GPR39: variants seen among roughly 807,000 people sequenced by gnomAD.
GPR39 encodes zinc sensing receptor.
In GPR39, 23 loss-of-function variants were observed where a neutral mutation model predicts 18.4. The ratio of observed to expected loss-of-function variants is 1.25; its 90% CI spans 0.90 to 1.77. GPR39 has a LOEUF of 1.77. Among genes scored for constraint, GPR39 ranks in the 40% most tolerant of loss-of-function variants. GPR39 has a pLI of 0.00. For synonymous variants in GPR39, 280 were observed against 257.9 expected (o/e 1.09, Z -0.82); for missense variants, 647 against 602.4 (o/e 1.07, Z -0.78).
chr2:132,522,529 G>A (rs777049300), intron 1 of GPR39, among the ~76,000 whole-genome samples: 7 of 152,150 alleles, frequency 4.6e-5, no homozygotes, highest in African/African-American at 7.2e-5. Flanking sequence ...TACAATTACC[G>A]TTTATGAAGC....
rs562878742 is a variant in GPR39 at position 132,425,202 on chromosome 2, C to A, written c.856+7304C>A. On this transcript the variant is annotated intron_variant, in intron 1 of 1. Coordinates refer to ENST00000329321, the MANE Select transcript of GPR39 (RefSeq NM_001508.3). ...GTGCCTCCCACTTCTTCCATGAAGC[C>A]TTCCTGGACTACGACAGCCTATACT... Among the ~76,000 whole-genome samples the A allele has an allele frequency of 2.3e-3, 357 of 152,300 alleles. 1 individual carries two copies. Among genetic ancestry groups the A allele is most frequent in the Non-Finnish European group, 4.0e-3 (273 of 68,024 alleles).
chr2:132,583,642 A>G (rs914689946), intron 1 of GPR39, among the ~76,000 whole-genome samples: 1 of 151,720 alleles, frequency 6.6e-6, no homozygotes, highest in Non-Finnish European at 1.5e-5. Flanking sequence ...TGTGAACTAT[A>G]TGGGTTGAGA....
At chr2:132,603,008 G>A (rs542040019) in intron 1 of GPR39, among the ~76,000 whole-genome samples, 45 of 152,070 alleles carry the variant, frequency 3.0e-4, no homozygotes, top group South Asian at 2.5e-3. Flanking sequence ...TAGAACTACC[G>A]TATGACCCAG....
chr2:132,640,898 G>C (rs1681845442), intron 1 of GPR39, among the ~76,000 whole-genome samples: 1 of 152,098 alleles, frequency 6.6e-6, no homozygotes, highest in African/African-American at 2.4e-5. Context: ...ATTATAAAAT[G>C]ACAAATTTTA....
At chr2:132,464,825 C>G (rs1391105805) in intron 1 of GPR39, among the ~76,000 whole-genome samples, 2 of 152,188 alleles carry the variant, frequency 1.3e-5, no homozygotes, top group East Asian at 3.9e-4. Context: ...TGTAGAGGTG[C>G]TCTTGGAGAC....
chr2:132,536,084 T>A (rs2104780864), intron 1 of GPR39, among the ~76,000 whole-genome samples: 1 of 152,126 alleles, frequency 6.6e-6, no homozygotes, highest in South Asian at 2.1e-4. Context: ...AGTTCTGGTC[T>A]GATCTTAGTT....
chr2:132,479,646 A>T (rs955848058), intron 1 of GPR39, among the ~76,000 whole-genome samples: 1 of 152,206 alleles, frequency 6.6e-6, no homozygotes, highest in Non-Finnish European at 1.5e-5. Flanking sequence ...CCAAACCACA[A>T]TGTGATACCA....
At chr2:132,521,214 C>T (rs945202166) in intron 1 of GPR39, among the ~76,000 whole-genome samples, 14 of 152,310 alleles carry the variant, frequency 9.2e-5, no homozygotes, top group South Asian at 2.1e-4. Flanking sequence ...GCTTGTGCCT[C>T]GGTCACGTGG....
At chr2:132,462,345 A>C (rs916702478) in intron 1 of GPR39, among the ~76,000 whole-genome samples, 2 of 151,092 alleles carry the variant, frequency 1.3e-5, no homozygotes, top group African/African-American at 4.9e-5. Flanking sequence ...TTGTTTGAAT[A>C]ATTTTGCAGG....
intron 1 of GPR39, among the ~76,000 whole-genome samples, chr2:132,591,233 G>A (rs1390148759): frequency 2.3e-5 from 3 of 132,826 alleles, no homozygotes; most frequent in African/African-American, 8.7e-5. Flanking sequence ...AGTCCGGCCT[G>A]GGCGACAGAG....
chr2:132,553,129 T>A (rs1196282106), intron 1 of GPR39, among the ~76,000 whole-genome samples: 4 of 151,344 alleles, frequency 2.6e-5, no homozygotes, highest in African/African-American at 9.7e-5. Context: ...TTTTGCCATG[T>A]TGGCTAGGCT....
rs1281367027 is a variant in GPR39, at chr2:132,439,271, A to AT, written c.856+21377dup. On this transcript the variant is annotated intron_variant, in intron 1 of 1. Coordinates refer to ENST00000329321, the MANE Select transcript of GPR39 (RefSeq NM_001508.3). ...AGGTGAGCAACTAATTCTTTATTTT[A>AT]TTTTATTTTTTTGTGGTAACAGTGT... is the stretch of plus-strand genomic sequence containing the variant. 1.5e-3 allele frequency among the ~76,000 whole-genome samples: 233 copies of AT among 152,314 alleles called. 4 individuals are homozygous for AT. The highest frequency in any genetic ancestry group is 5.2e-3 in the African/African-American group (217 of 41,576).
chr2:132,502,995 T>G (rs1049940324), intron 1 of GPR39, among the ~76,000 whole-genome samples: 3 of 152,200 alleles, frequency 2.0e-5, no homozygotes, highest in Admixed American at 6.5e-5. Context: ...TTTGATTTAT[T>G]TAAGTTGTAC....
At chr2:132,639,844 T>C (rs539214435) in intron 1 of GPR39, among the ~76,000 whole-genome samples, 21 of 152,302 alleles carry the variant, frequency 1.4e-4, no homozygotes, top group African/African-American at 4.1e-4. Flanking sequence ...AGGTGTTGTA[T>C]AGACATGCCA....
At position 132,584,890 on chromosome 2, in the gene GPR39, TGAGA is replaced by T. The variant is rs1203558654; in HGVS notation, c.857-60205_857-60202del. On this transcript the variant is annotated intron_variant, in intron 1 of 1. Coordinates refer to ENST00000329321, the MANE Select transcript of GPR39 (RefSeq NM_001508.3). ...AATCTTGTTTATGGACTTTTAACAG[TGAGA>T]GAGAGCATTTCTGGAGACACTGATT... Among the ~76,000 whole-genome samples the T allele has an allele frequency of 2.6e-5, 4 of 152,220 alleles. No homozygotes were observed. The East Asian group carries it at 7.7e-4, about 29-fold the overall frequency.
intron 1 of GPR39, among the ~76,000 whole-genome samples, chr2:132,516,063 CT>C (rs1490237757): frequency 6.6e-6 from 1 of 152,136 alleles, no homozygotes. Context: ...AAAGATCTTA[CT>C]TTTTCTCCTC....
At chr2:132,563,579 C>G (rs975141500) in intron 1 of GPR39, among the ~76,000 whole-genome samples, 1 of 152,130 alleles carries the variant, frequency 6.6e-6, no homozygotes, top group Non-Finnish European at 1.5e-5. Flanking sequence ...TTGAGAATCA[C>G]TGGATTATGG....
intron 1 of GPR39, among the ~76,000 whole-genome samples, chr2:132,421,996 AAAG>A (rs1227912405): frequency 1.3e-5 from 2 of 152,228 alleles, no homozygotes; most frequent in East Asian, 3.9e-4. Context: ...AAAATTATGA[AAAG>A]AAATTTATTT....
chr2:132,514,111 C>A (rs78475726), intron 1 of GPR39, among the ~76,000 whole-genome samples: 15,725 of 152,148 alleles, frequency 0.1, 886 homozygotes, highest in East Asian at 0.17. Flanking sequence ...TGCTCTCCCA[C>A]TTTTCCAGTA....
Sources: allele counts gnomAD v4.1 joint callset (sites outside exome capture counted in the v4.1 genomes callset), GRCh38; gene constraint gnomAD v4.1.1; transcripts MANE v1.5; gene names NCBI Gene and HGNC (gene_info 2026-07-23, HGNC 2026-07-21).